Variants in SGPL1 observed in about 807,000 individuals in gnomAD.
SGPL1 encodes SP-lyase 1.
In SGPL1, 37 loss-of-function variants were observed where a neutral mutation model predicts 68.9. The ratio of observed to expected loss-of-function variants is 0.54; its 90% CI spans 0.41 to 0.71. The LOEUF is 0.71. SGPL1 is among the 30% of genes least tolerant of loss of function. The probability of loss-of-function intolerance (pLI) is 0.00; values close to 1 mark genes in which losing one functional copy is unlikely to be tolerated. For missense variants in SGPL1, 551 were observed against 704.6 expected, an observed-to-expected ratio of 0.78 and a Z score of 2.47; for synonymous variants, 236 against 248.5, an observed-to-expected ratio of 0.95 and a Z score of 0.47.
chr10:70,833,339 A>G (rs1845574810), intron 2 of SGPL1, among the ~76,000 whole-genome samples: 1 of 152,190 alleles, frequency 6.6e-6, no homozygotes, highest in Admixed American at 6.5e-5. Context: ...TGACTCACAT[A>G]GTGGAATTTT....
intron 7 of SGPL1, among the ~76,000 whole-genome samples, chr10:70,865,388 A>G (rs889647596): frequency 6.6e-6 from 1 of 151,974 alleles, no homozygotes; most frequent in Non-Finnish European, 1.5e-5. Context: ...CATTGCTGCA[A>G]TTAAACCATA....
intron 10 of SGPL1, 148 bp from the exon 11 acceptor site, chr10:70,871,689 A>G (rs1846299843): frequency 1.5e-6 from 1 of 648,478 alleles, no homozygotes; most frequent in African/African-American, 1.8e-5. Flanking sequence ...TTTGTTGGGA[A>G]TGTTAAAAAT....
chr10:70,826,254 C>T lies in SGPL1; in HGVS notation c.27+9374C>T, dbSNP rs570830201. 3.9e-5 allele frequency among the ~76,000 whole-genome samples: 6 copies of T among 152,296 alleles called. No homozygotes were observed. The South Asian group carries it at 1.0e-3, about 26-fold the overall frequency. On this transcript the variant is annotated intron_variant, in intron 2 of 14. Coordinates refer to ENST00000373202, the MANE Select transcript of SGPL1 (RefSeq NM_003901.4). ...TACAATACAATACAGTACTACAGTA[C>T]AATACAATACAATGCAATGCCAGTA... is the stretch of plus-strand genomic sequence containing the variant.
chr10:70,828,124 G>A (rs993474910), intron 2 of SGPL1, among the ~76,000 whole-genome samples: 7 of 152,164 alleles, frequency 4.6e-5, no homozygotes, highest in Non-Finnish European at 8.8e-5. Context: ...AAAATGTAGA[G>A]TTGCTGTGTG....
At chr10:70,844,079 G>A (rs1845755617) in intron 2 of SGPL1, among the ~76,000 whole-genome samples, 1 of 152,256 alleles carries the variant, frequency 6.6e-6, no homozygotes, top group South Asian at 2.1e-4. Context: ...CTGACTACTG[G>A]GGTAGAGAAT....
At chr10:70,839,712 T>C (rs1004693764) in intron 2 of SGPL1, among the ~76,000 whole-genome samples, 2 of 152,202 alleles carry the variant, frequency 1.3e-5, no homozygotes, top group South Asian at 4.1e-4. Flanking sequence ...TTCAGAGATA[T>C]ATAGACAAAA....
intron 7 of SGPL1, among the ~76,000 whole-genome samples, chr10:70,864,376 C>CT (rs1820717380): frequency 6.6e-6 from 1 of 151,660 alleles, no homozygotes; most frequent in South Asian, 2.1e-4. Context: ...CTTTCAATCT[C>CT]TGTCTTTTTT....
At chr10:70,827,022 A>T (rs1174255408) in intron 2 of SGPL1, among the ~76,000 whole-genome samples, 1 of 152,206 alleles carries the variant, frequency 6.6e-6, no homozygotes, top group Non-Finnish European at 1.5e-5. Flanking sequence ...TCACAAGTGC[A>T]AGAGTTTTTC....
intron 2 of SGPL1, 45 bp from the exon 3 acceptor site, chr10:70,844,428 T>C (rs1281523899): frequency 1.4e-5 from 22 of 1,559,614 alleles, no homozygotes; most frequent in Non-Finnish European, 1.9e-5. Flanking sequence ...AGACTTCTTT[T>C]CTCTCTCTAA....
At chr10:70,832,021 A>G (rs540268253) in intron 2 of SGPL1, among the ~76,000 whole-genome samples, 14 of 152,318 alleles carry the variant, frequency 9.2e-5, no homozygotes, top group Admixed American at 6.5e-4. Flanking sequence ...ATAGAAGACT[A>G]TAACAAGGGC....
chr10:70,825,418 G>A (rs542318162), intron 2 of SGPL1, among the ~76,000 whole-genome samples: 2 of 152,288 alleles, frequency 1.3e-5, no homozygotes, highest in South Asian at 2.1e-4. Flanking sequence ...CTGGAGGGGA[G>A]AACATCCAGC....
intron 7 of SGPL1, among the ~76,000 whole-genome samples, chr10:70,867,559 C>T (rs1221863359): frequency 2.1e-5 from 3 of 142,202 alleles, no homozygotes; most frequent in Non-Finnish European, 4.5e-5. Flanking sequence ...GAGACTCTGT[C>T]TCAAAAAAAA....
At chr10:70,872,073 A>G in intron 11 of SGPL1, 87 bp downstream of exon 11, 6 of 1,302,916 alleles carry the variant, frequency 4.6e-6, no homozygotes, top group Non-Finnish European at 6.4e-6. Flanking sequence ...CGCAAAGTAT[A>G]AAATTAACTA....
chr10:70,877,097 C>A, intron 14 of SGPL1, 98 bp from the exon 15 acceptor site: 1 of 1,232,438 alleles, frequency 8.1e-7, no homozygotes, highest in Non-Finnish European at 1.2e-6. Context: ...AGTGCACATG[C>A]GAAGCTAGGA....
At chr10:70,866,986 A>G (rs1032310777) in intron 7 of SGPL1, among the ~76,000 whole-genome samples, 1 of 152,256 alleles carries the variant, frequency 6.6e-6, no homozygotes, top group Non-Finnish European at 1.5e-5. Flanking sequence ...GAAAACGTAG[A>G]AAGTTTTACT....
chr10:70,843,762 G>T (rs147984396), intron 2 of SGPL1, among the ~76,000 whole-genome samples: 304 of 152,340 alleles, frequency 2.0e-3, no homozygotes, highest in Admixed American at 4.6e-3. Flanking sequence ...GCAGGCATTG[G>T]TAAATTGTGG....
intron 2 of SGPL1, among the ~76,000 whole-genome samples, chr10:70,830,859 T>C (rs1845522830): frequency 6.6e-6 from 1 of 152,140 alleles, no homozygotes; most frequent in Non-Finnish European, 1.5e-5. Context: ...TATACAGATA[T>C]AAAATGAACA....
intron 2 of SGPL1, among the ~76,000 whole-genome samples, chr10:70,828,150 A>G (rs533495306): frequency 1.3e-5 from 2 of 152,324 alleles, no homozygotes; most frequent in East Asian, 3.9e-4. Flanking sequence ...GTGTACTGCC[A>G]AACAGATTTC....
rs555707122 is a variant in SGPL1, at chr10:70,877,337, C to T, written c.*2C>T. 7 of 1,614,164 alleles carry T rather than the reference C, an allele frequency of 4.3e-6. No homozygotes were observed. In the East Asian group the frequency reaches 1.3e-4, roughly 31 times the overall value. ...AATGGTTCTCCAAAACCCCACTGAA[C>T]TTGGACCCTTTCTAGTCTCAAGGGG... On this transcript the variant is annotated 3_prime_UTR_variant, in exon 15 of 15. Transcript: ENST00000373202.
Sources: allele counts gnomAD v4.1 joint callset (sites outside exome capture counted in the v4.1 genomes callset), GRCh38; gene constraint gnomAD v4.1.1; transcripts MANE v1.5; gene names NCBI Gene and HGNC (gene_info 2026-07-23, HGNC 2026-07-21).